ADAMTS9: variants seen among roughly 807,000 people sequenced by gnomAD.
The protein encoded by ADAMTS9 is ADAM metallopeptidase with thrombospondin type 1 motif 9.
In ADAMTS9, 107 loss-of-function variants were observed where a neutral mutation model predicts 257.1. The observed-to-expected ratio is 0.42, with a 90% CI of 0.36 to 0.49. ADAMTS9 has a LOEUF of 0.49. Among genes scored for constraint, ADAMTS9 ranks in the 20% least tolerant of loss-of-function variants. ADAMTS9 has a pLI of 0.03. For synonymous variants in ADAMTS9, 982 were observed against 880.9 expected (o/e 1.11, Z -2.03); for missense variants, 2,353 against 2,469.1 (o/e 0.95, Z 1.00).
chr3:64,651,899 A>G (rs9819564), intron 8 of ADAMTS9, among the ~76,000 whole-genome samples: 160 of 152,312 alleles, frequency 1.1e-3, no homozygotes, highest in African/African-American at 3.6e-3. Context: ...TGAGAAGGCT[A>G]TGAAGGATTG....
chr3:64,612,272 G>A (rs977103090), intron 22 of ADAMTS9, among the ~76,000 whole-genome samples: 1 of 152,066 alleles, frequency 6.6e-6, no homozygotes, highest in African/African-American at 2.4e-5. Context: ...TGACAAACAG[G>A]CCTGTCAATT....
intron 30 of ADAMTS9, among the ~76,000 whole-genome samples, chr3:64,557,342 T>C (rs1376422063): frequency 2.0e-5 from 3 of 152,240 alleles, no homozygotes; most frequent in Non-Finnish European, 4.4e-5. Flanking sequence ...GGACCTCTGC[T>C]GCTCTAAGTG....
At chr3:64,558,970 G>A (rs1046665998) in intron 30 of ADAMTS9, among the ~76,000 whole-genome samples, 1 of 152,300 alleles carries the variant, frequency 6.6e-6, no homozygotes, top group East Asian at 1.9e-4. Flanking sequence ...AACGGTGGCT[G>A]AAAGAATGGA....
At chr3:64,542,241 A>G (rs11713738) in intron 32 of ADAMTS9, among the ~76,000 whole-genome samples, 49,384 of 151,634 alleles carry the variant, frequency 0.33, 9,279 homozygotes, top group Middle Eastern at 0.54. Context: ...ACACACACAC[A>G]TAATTTTTTC....
intron 3 of ADAMTS9, among the ~76,000 whole-genome samples, chr3:64,660,912 C>T (rs1485997623): frequency 6.6e-6 from 1 of 152,160 alleles, no homozygotes; most frequent in African/African-American, 2.4e-5. Context: ...GAAGCTGGTG[C>T]TAGTTTTGCT....
At chr3:64,617,379 A>C (rs1370150737) in intron 19 of ADAMTS9, among the ~76,000 whole-genome samples, 1 of 152,144 alleles carries the variant, frequency 6.6e-6, no homozygotes. Context: ...GAGTGGCTCA[A>C]GTGCCCCTGA....
chr3:64,568,799 C>A, intron 28 of ADAMTS9: 1 of 353,890 alleles, frequency 2.8e-6, no homozygotes, highest in South Asian at 4.5e-5. Flanking sequence ...AGAATTGGAG[C>A]CAAAAATAAA....
chr3:64,540,798 C>CTTCATTCA (rs145689016), intron 36 of ADAMTS9, among the ~76,000 whole-genome samples: 2,798 of 152,174 alleles, frequency 0.018, 70 homozygotes, highest in African/African-American at 0.056. Context: ...CTTTCACCTA[C>CTTCATTCA]TTCATTCATT....
At chr3:64,681,167 A>T in intron 3 of ADAMTS9, 34 bp downstream of exon 3, 5 of 1,597,336 alleles carry the variant, frequency 3.1e-6, no homozygotes, top group Admixed American at 1.7e-5. Flanking sequence ...CATCTCAAAG[A>T]GCTGGGCTCT....
chr3:64,541,624 G>A lies in ADAMTS9; in HGVS notation c.5198-4C>T. 6.2e-7 allele frequency: 1 copy of A among 1,611,290 alleles called. No individual in the cohort carries two copies. The highest frequency in any genetic ancestry group is 1.1e-5 in the South Asian group (1 of 90,994). ...TTGCAATTCTGGGGTAACTCACCTA[G>A]AAAACACCAATCACAAAAAATAGGG... On this transcript the variant is annotated splice_polypyrimidine_tract_variant and splice_region_variant and intron_variant, in intron 33 of 39. Transcript: ENST00000498707.
At chr3:64,596,057 G>A (rs11715223) in intron 27 of ADAMTS9, among the ~76,000 whole-genome samples, 27,290 of 152,072 alleles carry the variant, frequency 0.18, 2,732 homozygotes, top group Middle Eastern at 0.23. Flanking sequence ...ACATTATAGT[G>A]GCAGTTAATT....
At chr3:64,530,735 A>G (rs2082970689) in intron 38 of ADAMTS9, among the ~76,000 whole-genome samples, 1 of 152,090 alleles carries the variant, frequency 6.6e-6, no homozygotes, top group African/African-American at 2.4e-5. Flanking sequence ...GTTACAGTTT[A>G]TCTACATGGG....
In ADAMTS9 at chr3:64,646,072, G is replaced by A. The variant is rs997638594; in HGVS notation, c.1710+1868C>T. Among the ~76,000 whole-genome samples the A allele has an allele frequency of 6.6e-5, 10 of 152,226 alleles. No homozygotes were observed. The East Asian group carries it at 1.7e-3, about 26-fold the overall frequency. On this transcript the variant is annotated intron_variant, in intron 11 of 39. Coordinates refer to ENST00000498707, the MANE Select transcript of ADAMTS9 (RefSeq NM_182920.2). Reference sequence around the variant, plus strand: ...TTCATCACATGATTGAAAATTTTTCGTTGTTGTGTTTCTTTTGCAGCAATA... The same window carrying A: ...TTCATCACATGATTGAAAATTTTTCATTGTTGTGTTTCTTTTGCAGCAATA...
chr3:64,642,789 G>C (rs577878445), intron 11 of ADAMTS9, among the ~76,000 whole-genome samples: 3 of 152,250 alleles, frequency 2.0e-5, no homozygotes, highest in East Asian at 3.9e-4. Flanking sequence ...CCCGCGGCTC[G>C]CTCAGATCTC....
intron 2 of ADAMTS9, among the ~76,000 whole-genome samples, chr3:64,683,641 T>C (rs1701814666): frequency 6.9e-6 from 1 of 144,666 alleles, no homozygotes; most frequent in South Asian, 2.1e-4. Context: ...AAGAGCTCAA[T>C]AAATCATATC....
intron 39 of ADAMTS9, among the ~76,000 whole-genome samples, chr3:64,517,416 G>GTTTTTGTTTTTTTTTTTTTTTT (rs2082789346): frequency 1.9e-5 from 1 of 52,638 alleles, no homozygotes; most frequent in Non-Finnish European, 3.8e-5. Context: ...ATTAAAAATG[G>GTTTTTGTTTTTTTTTTTTTTTT]TTTTTTTTTT....
chr3:64,562,679 T>C (rs1385318129), intron 29 of ADAMTS9, among the ~76,000 whole-genome samples: 1 of 152,222 alleles, frequency 6.6e-6, no homozygotes, highest in African/African-American at 2.4e-5. Context: ...CCTCCATTTT[T>C]TGGTCTGGTG....
At chr3:64,628,465 T>C (rs1025326105) in intron 16 of ADAMTS9, among the ~76,000 whole-genome samples, 3 of 152,194 alleles carry the variant, frequency 2.0e-5, no homozygotes, top group Non-Finnish European at 4.4e-5. Context: ...TGCAATGCTG[T>C]TTCATTTAAT....
chr3:64,557,663 G>T (rs2083358239), intron 30 of ADAMTS9, among the ~76,000 whole-genome samples: 1 of 152,168 alleles, frequency 6.6e-6, no homozygotes, highest in Admixed American at 6.5e-5. Context: ...TAGTCACCAT[G>T]TCGAATCATG....
Sources: gnomAD v4.1 joint callset for allele counts (sites outside exome capture counted in the v4.1 genomes callset) on GRCh38, gnomAD v4.1.1 for gene constraint, MANE v1.5 for transcripts, NCBI Gene and HGNC (gene_info 2026-07-23, HGNC 2026-07-21) for gene names.